Variants in NBPF26 observed in about 807,000 individuals in gnomAD.
The protein encoded by NBPF26 is NBPF member 26.
A neutral mutation model predicts 119.6 loss-of-function variants in NBPF26; 79 were observed. That is an observed-to-expected ratio of 0.66 (90% CI 0.55 to 0.80). NBPF26 has a LOEUF of 0.80. NBPF26 is among the 30% of genes least tolerant of loss of function. The pLI is 0.00. For synonymous variants in NBPF26, 299 were observed against 457.7 expected (o/e 0.65, Z 4.43); for missense variants, 800 against 1,198.2 (o/e 0.67, Z 4.91).
chr1:120,822,095 G>C lies in NBPF26; in HGVS notation c.2424-9G>C, dbSNP rs1652130429. The C allele has an allele frequency of 9.7e-6, 14 of 1,446,030 alleles. 3 individuals carry two copies. Among genetic ancestry groups the C allele is most frequent in the Non-Finnish European group, 9.2e-7 (1 of 1,081,514 alleles). The allele number at this position is 1,446,030 out of a possible 1,614,324, so 89.6% of individuals were successfully genotyped here. On this transcript the variant is annotated splice_polypyrimidine_tract_variant and intron_variant, in intron 15 of 29. Transcript: ENST00000620612. ...TCTTCTGTCATCCCTGTCCTGCCTG[G>C]CTCATCAGGAATCTGCAGGAGTCTG... is the stretch of plus-strand genomic sequence containing the variant.
intron 1 of NBPF26, among the ~76,000 whole-genome samples, chr1:120,743,736 G>GA (rs1160666093): frequency 8.5e-6 from 1 of 117,246 alleles, no homozygotes. Context: ...TGTAGAGTTT[G>GA]AAAAAACACC....
intron 4 of NBPF26, among the ~76,000 whole-genome samples, chr1:120,804,685 A>T: frequency 8.4e-6 from 1 of 119,422 alleles, no homozygotes; most frequent in East Asian, 2.0e-4. Flanking sequence ...GTGACATTAA[A>T]AAACACATCA....
rs1438550358 is a variant in NBPF26, at chr1:120,814,841, C to G, written c.1890C>G (p.Val630=). The G allele has an allele frequency of 1.0e-4, 126 of 1,266,206 alleles. 19 individuals carry two copies. Among genetic ancestry groups the G allele is most frequent in the Non-Finnish European group, 1.3e-4 (121 of 904,340 alleles). 78.4% of individuals were successfully genotyped at this position (1,266,206 alleles called of 1,614,324 possible). A position where few individuals can be genotyped will look rare whatever the true frequency, so the allele number is the denominator to read the frequency against. Residue 630 remains valine (V), a synonymous_variant, in exon 12 of 30, where the codon GTC becomes GTG. Transcript: ENST00000620612. ...CGTCTCACCTTAGGCAATATAAAGT[C>G]CTGGTTCACGCTCAGGAACGAGAGC...
chr1:120,752,540 A>ATG (rs1651029237), intron 1 of NBPF26, among the ~76,000 whole-genome samples: 1 of 14,422 alleles, frequency 6.9e-5, no homozygotes, highest in East Asian at 2.3e-3. Context: ...ATATATATAT[A>ATG]TATATATATA....
chr1:120,769,702 C>T lies in NBPF26; in HGVS notation c.155+5993C>T, dbSNP rs1263088189. On this transcript the variant is annotated intron_variant, in intron 2 of 29. Transcript: ENST00000620612. ...TATGTGTACCACATATAACAGATAA[C>T]TCAAGTCTGTGGTAGTAGTTGCAGT... Among the ~76,000 whole-genome samples, 12 of 117,152 alleles carry T rather than the reference C, an allele frequency of 1.0e-4. 2 individuals are homozygous for T. The highest frequency in any genetic ancestry group is 1.6e-4 in the Non-Finnish European group (10 of 60,758). 76.9% of individuals were successfully genotyped at this position (117,152 alleles called of 152,430 possible).
chr1:120,810,294 C>G, intron 8 of NBPF26, 53 bp from the exon 9 acceptor site: 2 of 1,492,482 alleles, frequency 1.3e-6, no homozygotes, highest in Non-Finnish European at 1.8e-6. Context: ...TCCATGGGGT[C>G]CAATCCCTCT....
chr1:120,783,635 A>G (rs1651390477), intron 2 of NBPF26, among the ~76,000 whole-genome samples: 1 of 106,450 alleles, frequency 9.4e-6, no homozygotes. Context: ...TGGGACTGGA[A>G]CAGTGTATTT....
chr1:120,765,935 A>T (rs1651186195), intron 2 of NBPF26, among the ~76,000 whole-genome samples: 1 of 72,696 alleles, frequency 1.4e-5, no homozygotes, highest in Admixed American at 1.3e-4. Flanking sequence ...AACAATGAGA[A>T]CACATGGACA....
At chr1:120,840,784 G>C, downstream of NBPF26, 1 of 740,188 alleles carries the variant, frequency 1.4e-6, no homozygotes, top group Non-Finnish European at 2.0e-6. Flanking sequence ...ACCCACGTTA[G>C]GTGTGACACG....
rs2101344188 is a variant in NBPF26, at chr1:120,729,124, T to A, written c.73+4874T>A. On this transcript the variant is annotated intron_variant, in intron 1 of 29. Transcript: ENST00000620612. Reference sequence around the variant, plus strand: ...TGGTGAGTTGGAGTGTGTTTCTATGTTCTTTTTTCCTTTGAAGAGATAGGA... The same window carrying A: ...TGGTGAGTTGGAGTGTGTTTCTATGATCTTTTTTCCTTTGAAGAGATAGGA... 2.3e-5 allele frequency among the ~76,000 whole-genome samples: 2 copies of A among 87,866 alleles called. 1 individual carries two copies. The highest frequency in any genetic ancestry group is 6.2e-4 in the South Asian group (2 of 3,214). 57.6% of individuals were successfully genotyped at this position (87,866 alleles called of 152,430 possible). A position where few individuals can be genotyped will look rare whatever the true frequency, so the allele number is the denominator to read the frequency against.
intron 18 of NBPF26, among the ~76,000 whole-genome samples, chr1:120,825,246 C>G (rs1308105881): frequency 8.2e-6 from 1 of 122,646 alleles, no homozygotes; most frequent in East Asian, 2.0e-4. Flanking sequence ...TCAGAGTGTC[C>G]TTTGACCCCT....
chr1:120,838,526 G>T (rs113979387), intron 27 of NBPF26, among the ~76,000 whole-genome samples: 2 of 83,648 alleles, frequency 2.4e-5, no homozygotes, highest in African/African-American at 1.1e-4. Context: ...GTGTGTGTGT[G>T]TGTGTGTGTG....
intron 6 of NBPF26, among the ~76,000 whole-genome samples, chr1:120,808,135 T>C (rs2101497040): frequency 1.7e-5 from 2 of 119,096 alleles, no homozygotes; most frequent in South Asian, 5.2e-4. Flanking sequence ...TCTTCTTTCA[T>C]CTTTTCAATT....
rs1453618442 is a variant in NBPF26, at chr1:120,804,664, TGTA to T, written c.752-889_752-887del. ...ACATCTATAAGTGACAAGTTTAAAATGTAGTGCTCAGTGACATTAAAAAACACA... is the reference window on the plus strand; with the variant it reads ...ACATCTATAAGTGACAAGTTTAAAATGTGCTCAGTGACATTAAAAAACACA... On this transcript the variant is annotated intron_variant, in intron 4 of 29. Transcript: ENST00000620612. Among the ~76,000 whole-genome samples the T allele has an allele frequency of 8.7e-4, 104 of 120,066 alleles. 31 individuals carry two copies. Among genetic ancestry groups the T allele is most frequent in the African/African-American group, 4.2e-3 (94 of 22,570 alleles). 78.8% of individuals were successfully genotyped at this position (120,066 alleles called of 152,430 possible).
intron 2 of NBPF26, among the ~76,000 whole-genome samples, chr1:120,782,938 GT>G (rs1651383345): frequency 1.3e-5 from 1 of 76,392 alleles, no homozygotes; most frequent in Non-Finnish European, 2.3e-5. Flanking sequence ...AATGCATAGT[GT>G]TTACTATGTG....
exon 14 of NBPF26, chr1:120,816,818 A>G: frequency 6.9e-7 from 1 of 1,446,410 alleles, no homozygotes; most frequent in Non-Finnish European, 9.2e-7. Flanking sequence ...TGCTGTACAC[A>G]TTATTCCAGG....
chr1:120,840,355 A>T lies in NBPF26; in HGVS notation c.4109A>T (p.Asn1370Ile). The stretch of plus-strand genomic sequence containing the variant: ...AGTTTTGTCTCCTTTTGCAGGCTCA[A>T]CAGCATGCTGATGGAAGTGGAAGAG... The change falls in exon 30 of 30, where the codon AAC becomes ATC. Residue 1370 changes from asparagine to isoleucine, a missense_variant. Coordinates refer to ENST00000620612, the Ensembl canonical transcript of NBPF26. 63 of 1,449,182 alleles carry T rather than the reference A, an allele frequency of 4.3e-5. 18 individuals are homozygous for T. The highest frequency in any genetic ancestry group is 5.7e-5 in the Non-Finnish European group (62 of 1,083,098). The allele number at this position is 1,449,182 out of a possible 1,614,324, so 89.8% of individuals were successfully genotyped here.
intron 1 of NBPF26, among the ~76,000 whole-genome samples, chr1:120,730,707 G>T (rs1650866465): frequency 1.2e-5 from 1 of 84,672 alleles, no homozygotes; most frequent in South Asian, 3.1e-4. Context: ...AATAAGAAAA[G>T]CAAAGGAATT....
rs1571033126 is a variant in NBPF26 at position 120,805,567 on chromosome 1, A to T, written c.763A>T (p.Thr255Ser). The T allele has an allele frequency of 3.5e-6, 5 of 1,426,034 alleles. 1 individual carries two copies. In the South Asian group the frequency reaches 6.0e-5, roughly 17 times the overall value. The allele number at this position is 1,426,034 out of a possible 1,614,324, so 88.3% of individuals were successfully genotyped here. ...TTTCTTCTCCCCAGTCCCTGACTCC[A>T]CCTCTTCTGCCACAAACGTCAGCAT... Residue 255 changes from threonine (T) to serine (S), a missense_variant, in exon 5 of 30, where the codon ACC (threonine) becomes TCC (serine). Thr to Ser is a moderately conservative substitution (Grantham distance 58). This residue lies in a region of NBPF26 where 155 missense variants were observed against 143.7 expected (regional missense o/e 1.08). Transcript: ENST00000620612.
Sources: gnomAD v4.1 joint callset for allele counts (sites outside exome capture counted in the v4.1 genomes callset) on GRCh38, gnomAD v4.1.1 for gene constraint, gnomAD v4.1.1 regional missense constraint, MANE v1.5 for transcripts, NCBI Gene and HGNC (gene_info 2026-07-23, HGNC 2026-07-21) for gene names.